The following SV2B variants were observed in gnomAD, a reference collection of about 807,000 sequenced individuals.
SV2B encodes synaptic vesicle glycoprotein 2B, also known as solute carrier family 22 member B2.
A neutral mutation model predicts 73.9 loss-of-function variants in SV2B; 41 were observed. The observed-to-expected ratio is 0.56, with a 90% confidence interval of 0.43 to 0.72. The LOEUF is 0.72. SV2B is among the 30% of genes least tolerant of loss of function. SV2B has a pLI of 0.00. For missense variants in SV2B, 764 were observed against 857.8 expected (o/e 0.89, Z 1.37); for synonymous variants, 314 against 314.2 (o/e 1.00, Z 0.01).
At chr15:91,171,878 T>A (rs1053492019) in intron 1 of SV2B, among the ~76,000 whole-genome samples, 3 of 152,092 alleles carry the variant, frequency 2.0e-5, no homozygotes, top group African/African-American at 7.2e-5. Context: ...GAAGACAACA[T>A]CTCCCACCCC....
chr15:91,125,633 G>A (rs192058063), intron 1 of SV2B, among the ~76,000 whole-genome samples: 63 of 151,896 alleles, frequency 4.1e-4, no homozygotes, highest in African/African-American at 1.5e-3. Context: ...AAATTAGCCA[G>A]TCATGGTGGT....
rs558058811 is a variant in SV2B at position 91,239,143 on chromosome 15, G to A, written c.451+12429G>A. ...GTAATAGCCTTTGAAATGCCCCATG[G>A]GGTCCACTGAACAGGCTGGATGTGA... On this transcript the variant is annotated intron_variant, in intron 2 of 12. Transcript: ENST00000394232. This position sits in a 1 kb window ranked among gnomAD's most constrained non-coding sequence, Gnocchi z 5.1. 7.2e-4 allele frequency among the ~76,000 whole-genome samples: 110 copies of A among 152,248 alleles called. No individual in the cohort carries two copies. The highest frequency in any genetic ancestry group is 2.5e-3 in the African/African-American group (104 of 41,544).
At chr15:91,186,932 C>G (rs1205958832) in intron 1 of SV2B, among the ~76,000 whole-genome samples, 1 of 152,168 alleles carries the variant, frequency 6.6e-6, no homozygotes, top group Non-Finnish European at 1.5e-5. Flanking sequence ...TATTTAGAAG[C>G]ATGTATCATG....
intron 1 of SV2B, among the ~76,000 whole-genome samples, chr15:91,172,448 C>G (rs911063115): frequency 1.3e-5 from 2 of 152,212 alleles, no homozygotes; most frequent in Non-Finnish European, 2.9e-5. Flanking sequence ...GAAGCAAACC[C>G]ATCCCCTCCC....
At chr15:91,180,774 G>T (rs1318197191) in intron 1 of SV2B, among the ~76,000 whole-genome samples, 5 of 152,024 alleles carry the variant, frequency 3.3e-5, no homozygotes, top group African/African-American at 1.2e-4. Context: ...CTGTATTGGT[G>T]ATTCTAGTTA....
intron 1 of SV2B, among the ~76,000 whole-genome samples, chr15:91,152,459 T>C (rs1283156761): frequency 6.6e-6 from 1 of 151,984 alleles, no homozygotes; most frequent in Non-Finnish European, 1.5e-5. Context: ...TTTTTCCATA[T>C]GAGGGAACAT....
chr15:91,195,651 C>A (rs1423997633), intron 1 of SV2B, among the ~76,000 whole-genome samples: 1 of 152,162 alleles, frequency 6.6e-6, no homozygotes, highest in Non-Finnish European at 1.5e-5. Context: ...AAGGTTCAGG[C>A]TCTAGGGTTA....
rs544493376 is a variant in SV2B, at chr15:91,141,413, C to T, written c.-392+41050C>T. Reference sequence around the variant, plus strand: ...CATCTTAGTAGTTTAGCTTTCTAACCTGCTCCTAATCCAGGTGATAAGTGA... The same window carrying T: ...CATCTTAGTAGTTTAGCTTTCTAACTTGCTCCTAATCCAGGTGATAAGTGA... On this transcript the variant is annotated intron_variant, in intron 1 of 12. Transcript: ENST00000394232. The surrounding 1 kb of genome is among the most constrained non-coding windows in gnomAD (Gnocchi z 4.6). Among the ~76,000 whole-genome samples, 1 of 152,180 alleles carries T rather than the reference C, an allele frequency of 6.6e-6. No individual in the cohort carries two copies. Among genetic ancestry groups the T allele is most frequent in the Non-Finnish European group, 1.5e-5 (1 of 68,028 alleles).
In SV2B at chr15:91,236,956, C is replaced by A. The variant is rs1171631172; in HGVS notation, c.451+10242C>A. Among the ~76,000 whole-genome samples, 1 of 151,232 alleles carries A rather than the reference C, an allele frequency of 6.6e-6. No individual in the cohort carries two copies. The highest frequency in any genetic ancestry group is 1.5e-5 in the Non-Finnish European group (1 of 67,880). On this transcript the variant is annotated intron_variant, in intron 2 of 12. Transcript: ENST00000394232. The surrounding 1 kb of genome is among the most constrained non-coding windows in gnomAD (Gnocchi z 4.1). ...AGGGTAGCTGGATTTTTTTTTTTAA[C>A]CTGTTGGCTTGGAAAGAGATCTTGA...
intron 11 of SV2B, among the ~76,000 whole-genome samples, chr15:91,285,927 A>ATCC (rs2141781580): frequency 6.6e-6 from 1 of 152,298 alleles, no homozygotes; most frequent in South Asian, 2.1e-4. Flanking sequence ...GACAACAGAC[A>ATCC]TCCTTTCCCT....
intron 2 of SV2B, among the ~76,000 whole-genome samples, chr15:91,244,896 C>G (rs1441945375): frequency 6.6e-6 from 1 of 152,144 alleles, no homozygotes; most frequent in Non-Finnish European, 1.5e-5. Flanking sequence ...TGCATACAGT[C>G]AAATAAATAT....
intron 9 of SV2B, among the ~76,000 whole-genome samples, chr15:91,274,095 T>C (rs1005975288): frequency 2.0e-5 from 3 of 152,368 alleles, no homozygotes; most frequent in African/African-American, 7.2e-5. Flanking sequence ...TATTTCATAA[T>C]GTATCCATCT....
rs572221352 is a variant in SV2B, at chr15:91,224,704, T to C, written c.-391-1169T>C. Among the ~76,000 whole-genome samples, 8 of 152,368 alleles carry C rather than the reference T, an allele frequency of 5.3e-5. No individual in the cohort carries two copies. The highest frequency in any genetic ancestry group is 6.5e-5 in the Admixed American group (1 of 15,312). ...CTAACCCACTCGGAGACAGTTTGAT[T>C]ATCTCTCAAATGAAGATACAGATGA... On this transcript the variant is annotated intron_variant, in intron 1 of 12. Transcript: ENST00000394232. The surrounding 1 kb of genome is among the most constrained non-coding windows in gnomAD (Gnocchi z 4.9).
At position 91,283,176 on chromosome 15, in the gene SV2B, T is replaced by G. The variant is rs1308536413; in HGVS notation, c.1508-845T>G. Among the ~76,000 whole-genome samples the G allele has an allele frequency of 6.6e-6, 1 of 152,216 alleles. No individual in the cohort carries two copies. The highest frequency in any genetic ancestry group is 1.9e-4 in the East Asian group (1 of 5,208). On this transcript the variant is annotated intron_variant, in intron 10 of 12. Transcript: ENST00000394232. This position sits in a 1 kb window ranked among gnomAD's most constrained non-coding sequence, Gnocchi z 4.3. ...GGGAGCCTGTTTAGTACTTTTTCTG[T>G]CAGAACAGCTGATCTTAGAAGGTGT... is the stretch of plus-strand genomic sequence containing the variant.
chr15:91,153,069 T>C (rs1370460969), intron 1 of SV2B, among the ~76,000 whole-genome samples: 2 of 152,088 alleles, frequency 1.3e-5, no homozygotes, highest in South Asian at 2.1e-4. Flanking sequence ...TGCCCTGACA[T>C]GCAGAAGGGC....
At chr15:91,208,508 C>T (rs17693509) in intron 1 of SV2B, among the ~76,000 whole-genome samples, 4,221 of 152,244 alleles carry the variant, frequency 0.028, 136 homozygotes, top group East Asian at 0.12. Flanking sequence ...TTCAAGACTC[C>T]GGATGACAGC....
chr15:91,193,906 A>C (rs2045142256), intron 1 of SV2B, among the ~76,000 whole-genome samples: 1 of 152,124 alleles, frequency 6.6e-6, no homozygotes, highest in Non-Finnish European at 1.5e-5. Flanking sequence ...GTAACCATAA[A>C]GGCTCAACGT....
intron 1 of SV2B, among the ~76,000 whole-genome samples, chr15:91,154,472 G>C (rs1423953253): frequency 1.3e-5 from 2 of 152,172 alleles, no homozygotes; most frequent in East Asian, 3.8e-4. Flanking sequence ...CACAGGATGG[G>C]CAGAAGCCTG....
At chr15:91,208,931 G>A (rs1006108626) in intron 1 of SV2B, among the ~76,000 whole-genome samples, 1 of 151,992 alleles carries the variant, frequency 6.6e-6, no homozygotes, top group Non-Finnish European at 1.5e-5. Flanking sequence ...CTTGGCTTCA[G>A]TTGTGCAGGA....
Sources: gnomAD v4.1 joint callset for allele counts (sites outside exome capture counted in the v4.1 genomes callset) on GRCh38, gnomAD v4.1.1 for gene constraint, Gnocchi (gnomAD v3.1) non-coding constraint, MANE v1.5 for transcripts, NCBI Gene and HGNC (gene_info 2026-07-23, HGNC 2026-07-21) for gene names.